The following PARD3B variants were observed in gnomAD, a reference collection of about 807,000 sequenced individuals.
The protein encoded by PARD3B is partitioning defective 3 homolog B.
Under a neutral mutation model 130.2 loss-of-function variants are expected in PARD3B, and 103 were observed. That is an observed-to-expected ratio of 0.79 (90% confidence interval 0.67 to 0.93). PARD3B has a LOEUF of 0.93. Ranked by LOEUF, PARD3B falls within the 40% of genes least tolerant of loss-of-function variation. The pLI is 0.00. For missense variants in PARD3B, 1,609 were observed against 1,499.2 expected (o/e 1.07, Z -1.21); for synonymous variants, 583 against 553.2 (o/e 1.05, Z -0.76).
chr2:205,032,667 A>C (rs1697508847), intron 3 of PARD3B, among the ~76,000 whole-genome samples: 1 of 152,222 alleles, frequency 6.6e-6, no homozygotes, highest in African/African-American at 2.4e-5. Context: ...AAGCAGAAAC[A>C]GAAGAAAGGG....
At chr2:205,101,610 G>T (rs1001071459) in intron 4 of PARD3B, among the ~76,000 whole-genome samples, 14 of 152,136 alleles carry the variant, frequency 9.2e-5, no homozygotes, top group African/African-American at 3.4e-4. Flanking sequence ...TTCATAATAG[G>T]CAAGAGTGGA....
intron 21 of PARD3B, among the ~76,000 whole-genome samples, chr2:205,547,355 A>G (rs1371154908): frequency 2.0e-5 from 3 of 152,204 alleles, no homozygotes; most frequent in African/African-American, 7.2e-5. Context: ...TGCCGATTCC[A>G]AACAATATTT....
chr2:204,977,266 C>T (rs182591086), intron 3 of PARD3B, among the ~76,000 whole-genome samples: 59 of 152,232 alleles, frequency 3.9e-4, no homozygotes, highest in African/African-American at 1.0e-3. Context: ...ACCCTTAACT[C>T]GGCATATGGT....
At chr2:205,055,434 C>T (rs772847176) in intron 4 of PARD3B, among the ~76,000 whole-genome samples, 6 of 152,136 alleles carry the variant, frequency 3.9e-5, no homozygotes, top group Non-Finnish European at 7.4e-5. Context: ...ATAAACATCT[C>T]AATCTCACTT....
intron 1 of PARD3B, among the ~76,000 whole-genome samples, chr2:204,648,435 T>C (rs1280564869): frequency 1.3e-5 from 2 of 149,864 alleles, no homozygotes; most frequent in African/African-American, 4.9e-5. Context: ...ATAAAGGTGT[T>C]ATGAACATTC....
chr2:204,657,308 A>G (rs573549564), intron 1 of PARD3B, among the ~76,000 whole-genome samples: 1 of 152,150 alleles, frequency 6.6e-6, no homozygotes, highest in Non-Finnish European at 1.5e-5. Flanking sequence ...AGGATTTTTG[A>G]GCTCAACCTA....
intron 2 of PARD3B, among the ~76,000 whole-genome samples, chr2:204,788,353 C>A (rs73982520): frequency 2.0e-5 from 3 of 152,154 alleles, no homozygotes; most frequent in Admixed American, 6.5e-5. Context: ...TGTCTAGTTC[C>A]TTTGCAAAAG....
intron 1 of PARD3B, among the ~76,000 whole-genome samples, chr2:204,561,799 G>A (rs2031329406): frequency 6.6e-6 from 1 of 152,020 alleles, no homozygotes; most frequent in East Asian, 1.9e-4. Context: ...GTGTTGCCAT[G>A]TTGGGCAGGC....
At chr2:204,942,547 A>C (rs955986893) in intron 2 of PARD3B, among the ~76,000 whole-genome samples, 6 of 152,126 alleles carry the variant, frequency 3.9e-5, no homozygotes, top group Non-Finnish European at 8.8e-5. Context: ...GTAGAGTGAG[A>C]GGAAAACCTC....
At chr2:204,681,064 A>T (rs1489906709) in intron 1 of PARD3B, among the ~76,000 whole-genome samples, 1 of 152,154 alleles carries the variant, frequency 6.6e-6, no homozygotes, top group Non-Finnish European at 1.5e-5. Flanking sequence ...TTTTTTAAAG[A>T]TCTGTTCATT....
intron 1 of PARD3B, among the ~76,000 whole-genome samples, chr2:204,672,729 C>T (rs2036364176): frequency 6.6e-6 from 1 of 152,144 alleles, no homozygotes; most frequent in Non-Finnish European, 1.5e-5. Flanking sequence ...GCTTCTCTTT[C>T]TGGGCCTTTT....
At chr2:204,815,330 A>T (rs758918608) in intron 2 of PARD3B, among the ~76,000 whole-genome samples, 3 of 151,964 alleles carry the variant, frequency 2.0e-5, no homozygotes, top group Non-Finnish European at 4.4e-5. Flanking sequence ...TGTTCAAAGT[A>T]TTCCCTTATC....
intron 13 of PARD3B, among the ~76,000 whole-genome samples, chr2:205,181,896 A>G (rs986971458): frequency 6.6e-6 from 1 of 152,230 alleles, no homozygotes; most frequent in Admixed American, 6.5e-5. Flanking sequence ...ATTATAGGAG[A>G]TAAGAGTTCC....
chr2:205,452,543 C>A (rs554780799), intron 20 of PARD3B, among the ~76,000 whole-genome samples: 1 of 152,112 alleles, frequency 6.6e-6, no homozygotes, highest in South Asian at 2.1e-4. Context: ...AACATATTAC[C>A]ATCAATTTTT....
intron 3 of PARD3B, among the ~76,000 whole-genome samples, chr2:204,988,445 T>G (rs112558199): frequency 0.042 from 6,367 of 152,268 alleles, 189 homozygotes; most frequent in African/African-American, 0.09. Flanking sequence ...ATGGTGACTA[T>G]AGTCAATAAT....
chr2:204,856,009 C>T (rs2044921097), intron 2 of PARD3B, among the ~76,000 whole-genome samples: 1 of 152,150 alleles, frequency 6.6e-6, no homozygotes, highest in Admixed American at 6.5e-5. Flanking sequence ...CTGAAATAAA[C>T]ATGGGAGTGC....
At chr2:204,717,546 C>A (rs1046772768) in intron 2 of PARD3B, among the ~76,000 whole-genome samples, 1 of 152,014 alleles carries the variant, frequency 6.6e-6, no homozygotes, top group Non-Finnish European at 1.5e-5. Context: ...TTGGTGGTGG[C>A]CTGGAGAGAA....
chr2:204,869,425 A>G (rs1195878050), intron 2 of PARD3B, among the ~76,000 whole-genome samples: 2 of 152,140 alleles, frequency 1.3e-5, no homozygotes, highest in African/African-American at 4.8e-5. Context: ...TCTTTCTAAG[A>G]TGCCTCTGAT....
chr2:205,261,234 A>G (rs1036301799), intron 16 of PARD3B, among the ~76,000 whole-genome samples: 1 of 152,110 alleles, frequency 6.6e-6, no homozygotes, highest in Admixed American at 6.6e-5. Flanking sequence ...CTAGAGTCTA[A>G]TAATTGTTTG....
Sources: allele counts gnomAD v4.1 joint callset (sites outside exome capture counted in the v4.1 genomes callset), GRCh38; gene constraint gnomAD v4.1.1; transcripts MANE v1.5; gene names NCBI Gene and HGNC (gene_info 2026-07-23, HGNC 2026-07-21).